Variants in KDM5A observed in about 807,000 individuals in gnomAD.
KDM5A encodes lysine demethylase 5A.
A neutral mutation model predicts 193.5 loss-of-function variants in KDM5A; 42 were observed. That is an observed-to-expected ratio of 0.22 (90% CI 0.17 to 0.28). KDM5A has a LOEUF of 0.28. KDM5A is among the 10% of genes least tolerant of loss of function. The pLI is 1.00. For missense variants in KDM5A, 1,692 were observed against 2,055.1 expected, an observed-to-expected ratio of 0.82 and a Z score of 3.42; for synonymous variants, 796 against 718.1, an observed-to-expected ratio of 1.11 and a Z score of -1.73.
chr12:328,858 A>T lies in KDM5A; in HGVS notation c.1945T>A (p.Leu649Ile). ...ACCATCTGTACAACAGACTCTCTTA[A>T]TCGTGTTTCTTCTTCAGTCATGAGA... is the stretch of plus-strand genomic sequence containing the variant. ...LTLMTEEETR[L>I]RESVVQMGVL... The change falls in exon 14 of 28, where the codon TTA becomes ATA. Residue 649 changes from leucine (L) to isoleucine (I), a missense_variant. Coordinates refer to ENST00000399788, the MANE Select transcript of KDM5A (RefSeq NM_001042603.3). 1 of 1,614,032 alleles carries T rather than the reference A, an allele frequency of 6.2e-7. No homozygotes were observed. The highest frequency in any genetic ancestry group is 1.3e-5 in the African/African-American group (1 of 75,052).
At chr12:371,770 A>T (rs1440031604) in intron 3 of KDM5A, among the ~76,000 whole-genome samples, 2 of 152,124 alleles carry the variant, frequency 1.3e-5, no homozygotes, top group Non-Finnish European at 2.9e-5. Flanking sequence ...ATCTTCAATT[A>T]ATTTTTGTAT....
chr12:303,571 T>TGCA (rs561157908), intron 24 of KDM5A, among the ~76,000 whole-genome samples: 51 of 152,128 alleles, frequency 3.4e-4, no homozygotes, highest in African/African-American at 1.2e-3. Context: ...GGTTGATGGG[T>TGCA]GCAGCAAACC....
Position 281,470 on chromosome 12 carries a change from C to A in KDM5A, c.*3986G>T, listed in dbSNP as rs1483224295. 4 of 233,022 alleles carry A rather than the reference C, an allele frequency of 1.7e-5. No individual in the cohort carries two copies. Among genetic ancestry groups the A allele is most frequent in the Non-Finnish European group, 2.5e-5 (3 of 118,012 alleles). 14.4% of individuals were successfully genotyped at this position (233,022 alleles called of 1,614,324 possible). A position where few individuals can be genotyped will look rare whatever the true frequency, so the allele number is the denominator to read the frequency against. ...TTCAAAAAATACATTAACAGCCATT[C>A]TTCCTCATACTACAGTAGGAGATAC... On this transcript the variant is annotated 3_prime_UTR_variant, in exon 28 of 28. Transcript: ENST00000399788.
intron 9 of KDM5A, 102 bp downstream of exon 9, chr12:352,103 C>T: frequency 2.7e-6 from 1 of 376,142 alleles, no homozygotes; most frequent in Non-Finnish European, 4.6e-6. Flanking sequence ...GACTCCGTCT[C>T]AAAAAAAAAA....
rs185614620 is a variant in KDM5A, at chr12:381,902, G to A, written c.366+2129C>T. ...GCTCACCGCAGTCTTGACCTCCTGG[G>A]CTCAAGCAATCCTCCTGCCTCAGCC... On this transcript the variant is annotated intron_variant, in intron 3 of 27. Coordinates refer to ENST00000399788, the MANE Select transcript of KDM5A (RefSeq NM_001042603.3). 6.1e-4 allele frequency among the ~76,000 whole-genome samples: 92 copies of A among 152,024 alleles called. 1 individual carries two copies. The highest frequency in any genetic ancestry group is 2.1e-3 in the African/African-American group (85 of 41,454).
chr12:369,208 A>G (rs1944395307), intron 3 of KDM5A, among the ~76,000 whole-genome samples: 1 of 152,170 alleles, frequency 6.6e-6, no homozygotes, highest in Non-Finnish European at 1.5e-5. Flanking sequence ...ACAGAGACAA[A>G]AATTATTTTT....
At chr12:306,257 G>A (rs1460601150) in intron 24 of KDM5A, among the ~76,000 whole-genome samples, 1 of 151,920 alleles carries the variant, frequency 6.6e-6, no homozygotes, top group South Asian at 2.1e-4. Flanking sequence ...TTACAGGCAT[G>A]AGCCACCACA....
intron 10 of KDM5A, among the ~76,000 whole-genome samples, chr12:338,820 C>T (rs1195227655): frequency 1.3e-5 from 2 of 152,170 alleles, no homozygotes; most frequent in Non-Finnish European, 2.9e-5. Flanking sequence ...ATCTTTCCAA[C>T]ATTTCAAGTC....
At chr12:336,514 T>C (rs1044122750) in intron 10 of KDM5A, among the ~76,000 whole-genome samples, 13 of 152,156 alleles carry the variant, frequency 8.5e-5, no homozygotes, top group Non-Finnish European at 5.9e-5. Context: ...TTACTCAATA[T>C]GTTTTGTGAT....
chr12:295,612 T>G lies in KDM5A; in HGVS notation c.4416A>C (p.Thr1472=). ...TQHIWRILQA[T]HPPSEDRFLH... ...AGAATCTGTCTTCAGAGGGTGGGTG[T>G]GTGGCCTGCAAAATCCGCCATATGT... is the stretch of plus-strand genomic sequence containing the variant. The change falls in exon 26 of 28, where the codon ACA becomes ACC. Residue 1472 remains threonine, a synonymous_variant. Coordinates refer to ENST00000399788, the MANE Select transcript of KDM5A (RefSeq NM_001042603.3). The G allele has an allele frequency of 1.2e-6, 2 of 1,614,110 alleles. No individual in the cohort carries two copies. The highest frequency in any genetic ancestry group is 1.7e-6 in the Non-Finnish European group (2 of 1,179,998).
At chr12:306,777 T>G in intron 24 of KDM5A, 169 bp downstream of exon 24, 1 of 736,704 alleles carries the variant, frequency 1.4e-6, no homozygotes, top group Non-Finnish European at 2.3e-6. Flanking sequence ...CAGCAACCTG[T>G]AATGTTTTGA....
intron 26 of KDM5A, among the ~76,000 whole-genome samples, chr12:293,981 A>T (rs903899963): frequency 6.6e-6 from 1 of 152,108 alleles, no homozygotes; most frequent in African/African-American, 2.4e-5. Context: ...AACAGTCTGT[A>T]GCATCTCTGT....
rs78653577 is a variant in KDM5A at position 324,429 on chromosome 12, C to G, written c.1969-648G>C. Among the ~76,000 whole-genome samples the G allele has an allele frequency of 9.5e-3, 1,446 of 152,220 alleles. 31 individuals are homozygous for G. The highest frequency in any genetic ancestry group is 0.033 in the African/African-American group (1,350 of 41,536). Reference sequence around the variant, plus strand: ...AGTTCCTCCCAATTACATCCTTGAGCAAAATAAATCAGTAATCTATTATCC... The same window carrying G: ...AGTTCCTCCCAATTACATCCTTGAGGAAAATAAATCAGTAATCTATTATCC... On this transcript the variant is annotated intron_variant, in intron 14 of 27. Transcript: ENST00000399788.
At position 283,293 on chromosome 12, in the gene KDM5A, T is replaced by G. The variant is rs943566906; in HGVS notation, c.*2163A>C. On this transcript the variant is annotated 3_prime_UTR_variant, in exon 28 of 28. Transcript: ENST00000399788. ...AACATCAACCAGAGGAAATTCTTAA[T>G]TGATAATCGTTAGCTTGGCAAAACG... 4 of 231,832 alleles carry G rather than the reference T, an allele frequency of 1.7e-5. No homozygotes were observed. The highest frequency in any genetic ancestry group is 6.6e-5 in the African/African-American group (3 of 45,284). The allele number at this position is 231,832 out of a possible 1,614,324, so 14.4% of individuals were successfully genotyped here.
chr12:364,392 A>G (rs1944326621), intron 4 of KDM5A, among the ~76,000 whole-genome samples: 1 of 151,642 alleles, frequency 6.6e-6, no homozygotes, highest in Non-Finnish European at 1.5e-5. Flanking sequence ...TAGGAGAATC[A>G]CTTGAAACCG....
chr12:383,902 C>A, intron 3 of KDM5A, 129 bp downstream of exon 3: 1 of 1,014,956 alleles, frequency 9.9e-7, no homozygotes, highest in South Asian at 1.3e-5. Flanking sequence ...GCATGCGCCA[C>A]CATACCCAGC....
intron 10 of KDM5A, 26 bp from the exon 11 acceptor site, chr12:334,448 T>C (rs748297168): frequency 3.1e-6 from 5 of 1,595,966 alleles, no homozygotes; most frequent in African/African-American, 1.3e-5. Context: ...AAACTGTAAA[T>C]GAAAGATCAG....
At chr12:381,534 ATTC>A (rs773376789) in intron 3 of KDM5A, among the ~76,000 whole-genome samples, 1 of 152,244 alleles carries the variant, frequency 6.6e-6, no homozygotes, top group South Asian at 2.1e-4. Flanking sequence ...TCAAAAAAGC[ATTC>A]TTAAGATGAA....
intron 18 of KDM5A, among the ~76,000 whole-genome samples, chr12:319,900 T>C (rs1037451634): frequency 4.6e-5 from 7 of 151,954 alleles, no homozygotes; most frequent in African/African-American, 1.5e-4. Flanking sequence ...CAACAGGATA[T>C]AGGTGATATT....
Sources: allele counts gnomAD v4.1 joint callset (sites outside exome capture counted in the v4.1 genomes callset), GRCh38; gene constraint gnomAD v4.1.1; transcripts MANE v1.5; gene names NCBI Gene and HGNC (gene_info 2026-07-23, HGNC 2026-07-21).